Variants in LRRC4C observed in about 807,000 individuals in gnomAD.
LRRC4C encodes leucine rich repeat containing 4C.
A neutral mutation model predicts 33.6 loss-of-function variants in LRRC4C; 5 were observed. The ratio of observed to expected loss-of-function variants is 0.15; its 90% CI spans 0.08 to 0.31. The LOEUF (loss-of-function observed/expected upper bound fraction) is 0.31, where lower values mean the gene tolerates loss of function less well. LRRC4C is among the 10% of genes least tolerant of loss of function. The pLI, the probability that LRRC4C is intolerant of heterozygous loss-of-function variation, is 1.00. For missense variants in LRRC4C, 560 were observed against 796.7 expected (o/e 0.70, Z 3.58); for synonymous variants, 329 against 302.0 (o/e 1.09, Z -0.93).
chr11:41,147,600 T>G (rs1411472717), intron 1 of LRRC4C, among the ~76,000 whole-genome samples: 1 of 152,306 alleles, frequency 6.6e-6, no homozygotes, highest in East Asian at 1.9e-4. Flanking sequence ...TATACATTTA[T>G]GGGGTGCAAC....
At chr11:41,378,990 C>A (rs1422622985) in intron 1 of LRRC4C, among the ~76,000 whole-genome samples, 2 of 144,528 alleles carry the variant, frequency 1.4e-5, no homozygotes, top group Non-Finnish European at 3.0e-5. Context: ...ATTATCTTTT[C>A]AGTATATTCA....
rs1591265011 is a variant in LRRC4C at position 41,323,045 on chromosome 11, T to C, written c.-496+136386A>G. Reference sequence around the variant, plus strand: ...GGAAGAAGAGAAATAAAATAACAAATATAAAGAAAGCAATATTATCTGACA... The same window carrying C: ...GGAAGAAGAGAAATAAAATAACAAACATAAAGAAAGCAATATTATCTGACA... On this transcript the variant is annotated intron_variant, in intron 1 of 6. Coordinates refer to ENST00000528697, the MANE Select transcript of LRRC4C (RefSeq NM_001258419.2). Among the ~76,000 whole-genome samples the C allele has an allele frequency of 2.0e-5, 3 of 152,064 alleles. No homozygotes were observed. The East Asian group carries it at 5.8e-4, about 29-fold the overall frequency.
chr11:41,074,083 ATC>A (rs1361814083), intron 1 of LRRC4C, among the ~76,000 whole-genome samples: 2 of 152,194 alleles, frequency 1.3e-5, no homozygotes, highest in Non-Finnish European at 2.9e-5. Context: ...AATATTTGAT[ATC>A]TGTCATAATA....
chr11:41,171,003 A>G (rs1840047511), intron 1 of LRRC4C, among the ~76,000 whole-genome samples: 3 of 152,176 alleles, frequency 2.0e-5, no homozygotes, highest in Admixed American at 2.0e-4. Flanking sequence ...ACATGAAAAA[A>G]TGCTCATCAT....
chr11:40,975,584 A>G (rs1852025479), intron 1 of LRRC4C, among the ~76,000 whole-genome samples: 1 of 152,190 alleles, frequency 6.6e-6, no homozygotes, highest in Non-Finnish European at 1.5e-5. Context: ...ATTGTGTTGT[A>G]TTATTACCAT....
chr11:40,490,673 A>G (rs1465219619), intron 3 of LRRC4C, among the ~76,000 whole-genome samples: 1 of 152,202 alleles, frequency 6.6e-6, no homozygotes, highest in Non-Finnish European at 1.5e-5. Flanking sequence ...TGGTGAAGAT[A>G]CTGAAGGGAA....
chr11:40,986,237 A>G lies in LRRC4C; in HGVS notation c.-495-52514T>C, dbSNP rs569242218. Among the ~76,000 whole-genome samples, 33 of 152,152 alleles carry G rather than the reference A, an allele frequency of 2.2e-4. 1 individual carries two copies. The East Asian group carries it at 5.8e-3, about 27-fold the overall frequency. On this transcript the variant is annotated intron_variant, in intron 1 of 6. Transcript: ENST00000528697. The stretch of plus-strand genomic sequence containing the variant: ...CCCACTGTGATTGGTGGAGTGGGGG[A>G]AAAAGTTGGTAAAGAAATGTCTGAC...
intron 6 of LRRC4C, among the ~76,000 whole-genome samples, chr11:40,124,254 A>G (rs894230123): frequency 8.5e-5 from 13 of 152,166 alleles, no homozygotes; most frequent in African/African-American, 3.1e-4. Flanking sequence ...GAAGTTCTTC[A>G]AAAAACTAAA....
intron 1 of LRRC4C, among the ~76,000 whole-genome samples, chr11:41,048,197 A>G (rs1374419238): frequency 6.6e-6 from 1 of 151,752 alleles, no homozygotes; most frequent in Non-Finnish European, 1.5e-5. Flanking sequence ...TAAACCAGCA[A>G]TGTGTGTTGG....
chr11:40,958,148 T>G (rs1012145928), intron 1 of LRRC4C, among the ~76,000 whole-genome samples: 1 of 151,676 alleles, frequency 6.6e-6, no homozygotes. Context: ...ACCTCAATAA[T>G]AGAATCCTAG....
chr11:40,797,354 T>A (rs543071997), intron 2 of LRRC4C, among the ~76,000 whole-genome samples: 4 of 152,158 alleles, frequency 2.6e-5, no homozygotes, highest in African/African-American at 9.6e-5. Flanking sequence ...AGAGAAGAGA[T>A]CCTATGGCAA....
At chr11:40,297,196 A>G (rs928561878) in intron 4 of LRRC4C, among the ~76,000 whole-genome samples, 2 of 152,228 alleles carry the variant, frequency 1.3e-5, no homozygotes, top group Admixed American at 6.5e-5. Context: ...AATTGGATTT[A>G]ACAAGCTGTA....
intron 1 of LRRC4C, among the ~76,000 whole-genome samples, chr11:41,022,309 A>AC (rs72508037): frequency 1.5e-5 from 1 of 68,836 alleles, no homozygotes; most frequent in African/African-American, 4.8e-5. Flanking sequence ...TTATCTTTAA[A>AC]AAAAGTGAAC....
chr11:40,225,365 C>A (rs1392707273), intron 5 of LRRC4C, among the ~76,000 whole-genome samples: 6 of 152,158 alleles, frequency 3.9e-5, no homozygotes, highest in Admixed American at 3.9e-4. Context: ...ATGGACCTTT[C>A]CTATAAAGTT....
At chr11:41,008,857 T>A (rs1854955361) in intron 1 of LRRC4C, among the ~76,000 whole-genome samples, 1 of 152,238 alleles carries the variant, frequency 6.6e-6, no homozygotes, top group Non-Finnish European at 1.5e-5. Context: ...AACTCCTTTA[T>A]GGCTCCCCCA....
chr11:41,336,462 G>T (rs1239010544), intron 1 of LRRC4C, among the ~76,000 whole-genome samples: 1 of 151,800 alleles, frequency 6.6e-6, no homozygotes, highest in Non-Finnish European at 1.5e-5. Flanking sequence ...AATATCGGGG[G>T]CCATAAACTA....
At chr11:40,678,303 C>A (rs1183439820) in intron 2 of LRRC4C, among the ~76,000 whole-genome samples, 1 of 152,006 alleles carries the variant, frequency 6.6e-6, no homozygotes, top group East Asian at 1.9e-4. Context: ...CTCCTTCTCC[C>A]CCATCTAATA....
intron 2 of LRRC4C, among the ~76,000 whole-genome samples, chr11:40,932,339 G>A (rs1327613866): frequency 1.3e-5 from 2 of 152,130 alleles, no homozygotes; most frequent in East Asian, 1.9e-4. Context: ...TTCTTCTATG[G>A]AATTTACCAT....
chr11:41,424,159 C>A (rs569796135), intron 1 of LRRC4C, among the ~76,000 whole-genome samples: 1 of 151,874 alleles, frequency 6.6e-6, no homozygotes, highest in Non-Finnish European at 1.5e-5. Context: ...TATCCCATTC[C>A]GATAGGATGA....
Sources: allele counts gnomAD v4.1 joint callset (sites outside exome capture counted in the v4.1 genomes callset), GRCh38; gene constraint gnomAD v4.1.1; transcripts MANE v1.5; gene names NCBI Gene and HGNC (gene_info 2026-07-23, HGNC 2026-07-21).